Variants in IQSEC1 observed in about 807,000 individuals in gnomAD.
The protein encoded by IQSEC1 is IQ motif and Sec7 domain ArfGEF 1.
IQSEC1 carries 31 observed loss-of-function variants against 91.0 expected under a neutral mutation model. The ratio of observed to expected loss-of-function variants is 0.34; its 90% CI spans 0.26 to 0.46. The LOEUF (loss-of-function observed/expected upper bound fraction) is 0.46, where lower values mean the gene tolerates loss of function less well. Ranked by LOEUF, IQSEC1 falls within the 20% of genes least tolerant of loss-of-function variation. The pLI is 1.00. For missense variants in IQSEC1, 1,388 were observed against 1,575.6 expected, an observed-to-expected ratio of 0.88 and a Z score of 2.02; for synonymous variants, 699 against 662.6, an observed-to-expected ratio of 1.05 and a Z score of -0.84.
chr3:13,112,296 C>T (rs575158012), intron 2 of IQSEC1, among the ~76,000 whole-genome samples: 114 of 152,342 alleles, frequency 7.5e-4, no homozygotes, highest in African/African-American at 2.3e-3. Context: ...GCAGCAAGCG[C>T]GGAGGTCACT....
rs916594466 is a variant in IQSEC1 at position 13,246,677 on chromosome 3, C to T, written c.272+36034G>A. On this transcript the variant is annotated intron_variant, in intron 1 of 15. Coordinates refer to the IQSEC1 transcript ENST00000648114. ...CCTGTGCCCTGCTCTGTGGATCTCC[C>T]ATCAAGTTCAGAGGCTTTGCTAACT... Among the ~76,000 whole-genome samples the T allele has an allele frequency of 2.6e-5, 4 of 152,214 alleles. No homozygotes were observed. In the East Asian group the frequency reaches 7.7e-4, roughly 29 times the overall value.
At position 12,909,136 on chromosome 3, in the gene IQSEC1, T is replaced by A; in HGVS notation, c.2578+137A>T. On this transcript the variant is annotated intron_variant, in intron 11 of 13. Coordinates refer to ENST00000613206, the MANE Select transcript of IQSEC1 (RefSeq NM_001134382.3). The surrounding 1 kb of genome is among the most constrained non-coding windows in gnomAD (Gnocchi z 4.9). ...CCTGGGAACACAGACTGCCCCATCATGTGGCCATAGGGAAGGCCAGAAAAG... is the reference window on the plus strand; with the variant it reads ...CCTGGGAACACAGACTGCCCCATCAAGTGGCCATAGGGAAGGCCAGAAAAG... 1 of 888,308 alleles carries A rather than the reference T, an allele frequency of 1.1e-6. No homozygotes were observed. The highest frequency in any genetic ancestry group is 1.8e-6 in the Non-Finnish European group (1 of 567,396). The allele number at this position is 888,308 out of a possible 1,614,324, so 55.0% of individuals were successfully genotyped here. A position where few individuals can be genotyped will look rare whatever the true frequency, so the allele number is the denominator to read the frequency against.
chr3:13,270,458 C>T (rs1695574336), intron 1 of IQSEC1, among the ~76,000 whole-genome samples: 1 of 152,192 alleles, frequency 6.6e-6, no homozygotes, highest in Non-Finnish European at 1.5e-5. Context: ...TTGGTGCCTA[C>T]CCAGTTTGTG....
chr3:13,117,495 C>T (rs1487943037), intron 2 of IQSEC1, among the ~76,000 whole-genome samples: 7 of 132,458 alleles, frequency 5.3e-5, no homozygotes, highest in African/African-American at 1.4e-4. Flanking sequence ...CGCATGAACC[C>T]GGGAGGCAGA....
At chr3:12,984,384 C>T (rs559583960) in intron 1 of IQSEC1, among the ~76,000 whole-genome samples, 1 of 152,324 alleles carries the variant, frequency 6.6e-6, no homozygotes, top group East Asian at 1.9e-4. Context: ...GTGGATACAG[C>T]CCCACAGGCC....
chr3:12,958,069 G>C (rs919747504), intron 1 of IQSEC1, among the ~76,000 whole-genome samples: 5 of 152,202 alleles, frequency 3.3e-5, no homozygotes, highest in African/African-American at 9.7e-5. Flanking sequence ...GAGGCCCCGG[G>C]ACACCTCCCT....
At chr3:12,974,981 A>G (rs1701093290) in intron 1 of IQSEC1, among the ~76,000 whole-genome samples, 1 of 152,234 alleles carries the variant, frequency 6.6e-6, no homozygotes, top group African/African-American at 2.4e-5. Flanking sequence ...CAGCAGGCCC[A>G]GCAGATATCC....
chr3:13,149,500 G>A (rs1222894198), intron 2 of IQSEC1, among the ~76,000 whole-genome samples: 1 of 152,152 alleles, frequency 6.6e-6, no homozygotes, highest in African/African-American at 2.4e-5. Context: ...AAGTGCGAGG[G>A]GCACTGCAAG....
upstream of IQSEC1, among the ~76,000 whole-genome samples, chr3:13,075,368 C>G (rs542781445): frequency 1.5e-4 from 23 of 152,358 alleles, no homozygotes; most frequent in East Asian, 4.2e-3. Flanking sequence ...AGAGCCCAGA[C>G]TAACTCACAG....
At chr3:13,127,922 A>G (rs189625083) in intron 2 of IQSEC1, among the ~76,000 whole-genome samples, 1 of 152,356 alleles carries the variant, frequency 6.6e-6, no homozygotes, top group East Asian at 1.9e-4. Flanking sequence ...CTTTGAAACA[A>G]TTATAAATGG....
intron 1 of IQSEC1, among the ~76,000 whole-genome samples, chr3:13,031,686 A>G (rs561147738): frequency 6.6e-6 from 1 of 151,924 alleles, no homozygotes; most frequent in East Asian, 1.9e-4. Context: ...CAGACAGGGG[A>G]TGCAGGACAA....
At position 12,935,416 on chromosome 3, in the gene IQSEC1, G is replaced by A; in HGVS notation, c.1568+32C>T. On this transcript the variant is annotated intron_variant, in intron 3 of 13. Transcript: ENST00000613206. This position sits in a 1 kb window ranked among gnomAD's most constrained non-coding sequence, Gnocchi z 8.0. Reference sequence around the variant, plus strand: ...CGCCAAGGCCCAGCAAGCCACAGCTGCCCACCCTGAGGGGTCACCCATGGT... The same window carrying A: ...CGCCAAGGCCCAGCAAGCCACAGCTACCCACCCTGAGGGGTCACCCATGGT... 2 of 1,581,870 alleles carry A rather than the reference G, an allele frequency of 1.3e-6. No individual in the cohort carries two copies. Among genetic ancestry groups the A allele is most frequent in the Non-Finnish European group, 1.7e-6 (2 of 1,159,354 alleles).
intron 1 of IQSEC1, among the ~76,000 whole-genome samples, chr3:13,012,759 C>G (rs767350949): frequency 4.6e-5 from 7 of 152,164 alleles, no homozygotes; most frequent in Non-Finnish European, 8.8e-5. Flanking sequence ...TTCCGCCATT[C>G]CCGAAGCTAG....
intron 2 of IQSEC1, among the ~76,000 whole-genome samples, chr3:13,138,066 C>G (rs1417999990): frequency 3.9e-5 from 6 of 152,132 alleles, no homozygotes; most frequent in African/African-American, 1.4e-4. Flanking sequence ...TGAGGGCACT[C>G]CTCCCTCTGA....
In IQSEC1 at chr3:13,112,445, C is replaced by T. The variant is rs141620662; in HGVS notation, c.302+51659G>A. Among the ~76,000 whole-genome samples the T allele has an allele frequency of 5.0e-3, 765 of 152,328 alleles. 8 individuals carry two copies. Among genetic ancestry groups the T allele is most frequent in the South Asian group, 9.5e-3 (46 of 4,834 alleles). ...ATGTGCAGTGCTGCATGGGAGGTGG[C>T]GCTCACTCTCAGTGAGAGGGACTGA... On this transcript the variant is annotated intron_variant, in intron 2 of 15. Coordinates refer to the IQSEC1 transcript ENST00000648114.
chr3:13,280,118 G>A (rs1399830380), intron 1 of IQSEC1, among the ~76,000 whole-genome samples: 1 of 152,210 alleles, frequency 6.6e-6, no homozygotes, highest in Non-Finnish European at 1.5e-5. Context: ...GTGCATTTCA[G>A]AAAACCTGAG....
intron 1 of IQSEC1, among the ~76,000 whole-genome samples, chr3:13,198,983 G>T (rs1694188433): frequency 6.6e-6 from 1 of 152,232 alleles, no homozygotes; most frequent in South Asian, 2.1e-4. Flanking sequence ...TGTTTAGCCT[G>T]TATTTTCCAA....
At chr3:12,952,063 T>C (rs1224513447) in intron 1 of IQSEC1, among the ~76,000 whole-genome samples, 1 of 152,018 alleles carries the variant, frequency 6.6e-6, no homozygotes, top group African/African-American at 2.4e-5. Context: ...GAGCACCATA[T>C]CTAAAACGGG....
At chr3:13,097,225 G>A (rs1441106983) in intron 2 of IQSEC1, among the ~76,000 whole-genome samples, 1 of 152,156 alleles carries the variant, frequency 6.6e-6, no homozygotes, top group Non-Finnish European at 1.5e-5. Context: ...GATCGCCCCT[G>A]GTTCACAGAA....
Sources: gnomAD v4.1 joint callset for allele counts (sites outside exome capture counted in the v4.1 genomes callset) on GRCh38, gnomAD v4.1.1 for gene constraint, Gnocchi (gnomAD v3.1) non-coding constraint, MANE v1.5 for transcripts, NCBI Gene and HGNC (gene_info 2026-07-23, HGNC 2026-07-21) for gene names.